IL1RL2: variants seen among roughly 807,000 people sequenced by gnomAD.
IL1RL2 encodes the protein interleukin-1 receptor-like 2.
A neutral mutation model predicts 66.8 loss-of-function variants in IL1RL2; 68 were observed. The observed-to-expected ratio is 1.02, with a 90% CI of 0.84 to 1.25. The LOEUF is 1.25. IL1RL2 is among the 50% of genes most tolerant of loss of function. IL1RL2 has a pLI of 0.00. For synonymous variants in IL1RL2, 305 were observed against 264.6 expected (o/e 1.15, Z -1.48); for missense variants, 729 against 709.3 (o/e 1.03, Z -0.32).
In IL1RL2 at chr2:102,199,172, G is replaced by T. The variant is rs148408165; in HGVS notation, c.490-2384G>T. Among the ~76,000 whole-genome samples the T allele has an allele frequency of 4.6e-5, 7 of 152,158 alleles. 1 individual carries two copies. The East Asian group carries it at 7.7e-4, about 17-fold the overall frequency. ...ATCCCTACTTCCCTGCCTTAGTTTA[G>T]GTTCCATTTGGTCTCAGTTTATGGA... is the stretch of plus-strand genomic sequence containing the variant. On this transcript the variant is annotated intron_variant, in intron 4 of 11. Transcript: ENST00000264257.
In IL1RL2 at chr2:102,225,916, A is replaced by G. The variant is rs761712150; in HGVS notation, c.1010A>G (p.Tyr337Cys). 6.3e-7 allele frequency: 1 copy of G among 1,586,860 alleles called. No homozygotes were observed. Among genetic ancestry groups the G allele is most frequent in the Non-Finnish European group, 8.6e-7 (1 of 1,167,976 alleles). Reference sequence around the variant, plus strand: ...TTTGTAGCTCCGGATTTTCGAGCTTACTTGATAGGAGGGCTTATCGCCTTG... The same window carrying G: ...TTTGTAGCTCCGGATTTTCGAGCTTGCTTGATAGGAGGGCTTATCGCCTTG... ...LQLPAPDFRA[Y>C]LIGGLIALVA... is the part of the protein sequence containing the mutation. Residue 337 changes from tyrosine to cysteine, a missense_variant, in exon 9 of 12, where the codon TAC becomes TGC. Tyr to Cys is a radical substitution (Grantham distance 194). Transcript: ENST00000264257.
chr2:102,222,811 C>T (rs1014576284), intron 8 of IL1RL2, among the ~76,000 whole-genome samples: 12 of 152,194 alleles, frequency 7.9e-5, no homozygotes, highest in Non-Finnish European at 1.6e-4. Flanking sequence ...TCAGGGTCCA[C>T]CCCAGAGAAA....
intron 5 of IL1RL2, among the ~76,000 whole-genome samples, chr2:102,204,837 G>T (rs1344906309): frequency 3.3e-5 from 5 of 151,888 alleles, no homozygotes; most frequent in Non-Finnish European, 4.4e-5. Flanking sequence ...GGAGAGTTTA[G>T]TCCATTTACA....
chr2:102,212,707 G>C (rs977981170), intron 6 of IL1RL2, among the ~76,000 whole-genome samples: 1 of 152,090 alleles, frequency 6.6e-6, no homozygotes, highest in Non-Finnish European at 1.5e-5. Context: ...GGTGGCTCAC[G>C]CCTGTAATCC....
At chr2:102,227,890 A>G (rs1252142462) in intron 9 of IL1RL2, among the ~76,000 whole-genome samples, 1 of 151,856 alleles carries the variant, frequency 6.6e-6, no homozygotes, top group East Asian at 1.9e-4. Flanking sequence ...GCTGTGACTT[A>G]TGGGTGTTGT....
chr2:102,194,278 A>G (rs35207024), intron 4 of IL1RL2, among the ~76,000 whole-genome samples: 2,141 of 152,274 alleles, frequency 0.014, 56 homozygotes, highest in African/African-American at 0.049. Context: ...AAACAGTGGG[A>G]ATCATCTATG....
rs576977917 is a variant in IL1RL2 at position 102,227,537 on chromosome 2, G to A, written c.1135+1496G>A. Reference sequence around the variant, plus strand: ...AGTGTCCAGTGCAACCTGAAGTGCTGCTAGTACTGTGGATAGTCCGACTGG... The same window carrying A: ...AGTGTCCAGTGCAACCTGAAGTGCTACTAGTACTGTGGATAGTCCGACTGG... On this transcript the variant is annotated intron_variant, in intron 9 of 11. Coordinates refer to ENST00000264257, the MANE Select transcript of IL1RL2 (RefSeq NM_003854.4). 3.9e-5 allele frequency among the ~76,000 whole-genome samples: 6 copies of A among 152,258 alleles called. No homozygotes were observed. In the South Asian group the frequency reaches 1.2e-3, roughly 32 times the overall value.
In IL1RL2 at chr2:102,211,461, GA is replaced by G. The variant is rs1689163549; in HGVS notation, c.650-635del. 2.0e-5 allele frequency among the ~76,000 whole-genome samples: 3 copies of G among 152,146 alleles called. No homozygotes were observed. In the South Asian group the frequency reaches 6.2e-4, roughly 32 times the overall value. Reference sequence around the variant, plus strand: ...AAATGCAGAGTTGGAGGAGGAAGAGGAAAACTGAAGATATGATGAACCCTCA... The same window carrying G: ...AAATGCAGAGTTGGAGGAGGAAGAGGAAACTGAAGATATGATGAACCCTCA... On this transcript the variant is annotated intron_variant, in intron 5 of 11. Coordinates refer to ENST00000264257, the MANE Select transcript of IL1RL2 (RefSeq NM_003854.4).
intron 6 of IL1RL2, among the ~76,000 whole-genome samples, chr2:102,218,694 G>A (rs1689828109): frequency 6.6e-6 from 1 of 152,310 alleles, no homozygotes; most frequent in East Asian, 1.9e-4. Flanking sequence ...ACTAGGAGTA[G>A]AAATAGCATT....
chr2:102,196,776 G>C (rs1186747532), intron 4 of IL1RL2, among the ~76,000 whole-genome samples: 3 of 152,178 alleles, frequency 2.0e-5, no homozygotes, highest in Admixed American at 2.0e-4. Flanking sequence ...GGGTGAGAAA[G>C]AGAATGGTGT....
intron 9 of IL1RL2, among the ~76,000 whole-genome samples, chr2:102,232,470 T>C (rs1691221796): frequency 6.6e-6 from 1 of 152,256 alleles, no homozygotes; most frequent in Non-Finnish European, 1.5e-5. Flanking sequence ...ATTTCAGGCC[T>C]GAGCTATCAT....
intron 11 of IL1RL2, among the ~76,000 whole-genome samples, chr2:102,236,931 GAATTT>G (rs1382999077): frequency 1.3e-5 from 2 of 152,240 alleles, no homozygotes; most frequent in Non-Finnish European, 2.9e-5. Flanking sequence ...TCCAGTTAAA[GAATTT>G]ACCAACAGTG....
At position 102,189,223 on chromosome 2, in the gene IL1RL2, T is replaced by C. The variant is rs1392046538; in HGVS notation, c.206T>C (p.Ile69Thr). ...AGCAAAATCCCAGTGTCCAAAATCA[T>C]ACAGTCTAGAATTCACCAGGACGAG... ...NSSKIPVSKI[I>T]QSRIHQDETW... The change falls in exon 3 of 12, where the codon ATA (isoleucine) becomes ACA (threonine). Residue 69 changes from isoleucine (I) to threonine (T), a missense_variant. Coordinates refer to ENST00000264257, the MANE Select transcript of IL1RL2 (RefSeq NM_003854.4). 10 of 1,614,122 alleles carry C rather than the reference T, an allele frequency of 6.2e-6. No homozygotes were observed. Among genetic ancestry groups the C allele is most frequent in the African/African-American group, 1.3e-5 (1 of 75,062 alleles).
chr2:102,188,015 C>G (rs1251157545), intron 2 of IL1RL2, 90 bp downstream of exon 2: 1 of 1,315,324 alleles, frequency 7.6e-7, no homozygotes, highest in African/African-American at 1.4e-5. Flanking sequence ...TCGCGTCAGC[C>G]CGAGCGCGGC....
rs150819702 is a variant in IL1RL2 at position 102,192,067 on chromosome 2, T to C, written c.436T>C (p.Cys146Arg). Residue 146 changes from cysteine (C) to arginine (R), a missense_variant, in exon 4 of 12, where the codon TGT becomes CGT. Cys to Arg is a radical substitution (Grantham distance 180). Coordinates refer to ENST00000264257, the MANE Select transcript of IL1RL2 (RefSeq NM_003854.4). ...TCTTGGAAAAGATGATAGTCTCACA[T>C]GTCATCTGCACTTCCCGAAGAGTTG... ...LHLGKDDSLT[C>R]HLHFPKSCVL... 1 of 1,610,310 alleles carries C rather than the reference T, an allele frequency of 6.2e-7. No homozygotes were observed.
chr2:102,208,958 T>C (rs1215035176), intron 5 of IL1RL2, among the ~76,000 whole-genome samples: 1 of 152,236 alleles, frequency 6.6e-6, no homozygotes, highest in South Asian at 2.1e-4. Context: ...TTGTTCACAG[T>C]TGAATCCCTG....
At chr2:102,238,576 TG>T (rs952225873) in intron 11 of IL1RL2, among the ~76,000 whole-genome samples, 122 of 152,350 alleles carry the variant, frequency 8.0e-4, no homozygotes, top group African/African-American at 2.8e-3. Flanking sequence ...CACTTGGTCC[TG>T]TTTTTTATTT....
chr2:102,233,174 C>A (rs1458448630), intron 10 of IL1RL2, 50 bp downstream of exon 10: 1 of 1,531,142 alleles, frequency 6.5e-7, no homozygotes, highest in Non-Finnish European at 9.0e-7. Context: ...AGGAAAGCGA[C>A]CCCTCTGTTC....
At chr2:102,206,881 G>A (rs1688751608) in intron 5 of IL1RL2, among the ~76,000 whole-genome samples, 1 of 152,218 alleles carries the variant, frequency 6.6e-6, no homozygotes, top group South Asian at 2.1e-4. Flanking sequence ...CTAGGAGTGA[G>A]GGATTAGAGT....
Sources: allele counts gnomAD v4.1 joint callset (sites outside exome capture counted in the v4.1 genomes callset), GRCh38; gene constraint gnomAD v4.1.1; transcripts MANE v1.5; gene names NCBI Gene and HGNC (gene_info 2026-07-23, HGNC 2026-07-21).